Variants in MYLK4 observed in about 807,000 individuals in gnomAD.
MYLK4 encodes myosin light chain kinase family member 4.
In MYLK4, 46 loss-of-function variants were observed where a neutral mutation model predicts 48.1. The observed-to-expected ratio is 0.96, with a 90% CI of 0.75 to 1.22. The LOEUF (loss-of-function observed/expected upper bound fraction) is 1.22. Ranked by LOEUF, MYLK4 falls within the 50% of genes most tolerant of loss-of-function variation. The pLI, the probability that MYLK4 is intolerant of heterozygous loss-of-function variation, is 0.00. For synonymous variants in MYLK4, 170 were observed against 180.8 expected (o/e 0.94, Z 0.48); for missense variants, 451 against 486.1 (o/e 0.93, Z 0.68).
chr6:2,697,139 G>A (rs72831536), intron 2 of MYLK4, among the ~76,000 whole-genome samples: 16,426 of 152,182 alleles, frequency 0.11, 965 homozygotes, highest in African/African-American at 0.12. Context: ...TAAATATATC[G>A]CGGAGTGCTT....
At chr6:2,725,950 G>C (rs1763257430) in intron 2 of MYLK4, among the ~76,000 whole-genome samples, 1 of 152,178 alleles carries the variant, frequency 6.6e-6, no homozygotes, top group Admixed American at 6.5e-5. Context: ...CTCTAGCACG[G>C]AACAAGCTCA....
the MYLK4 span, chr6:2,768,677 G>A: frequency 6.3e-7 from 1 of 1,586,014 alleles, no homozygotes; most frequent in Non-Finnish European, 8.6e-7. Context: ...CTCCATGTAT[G>A]TCATCTTTTC....
At chr6:2,700,969 T>C (rs1370689338) in intron 2 of MYLK4, among the ~76,000 whole-genome samples, 2 of 152,196 alleles carry the variant, frequency 1.3e-5, no homozygotes, top group Non-Finnish European at 2.9e-5. Context: ...GTCACCAGAA[T>C]AGCACCTGAG....
chr6:2,672,866 A>C lies in MYLK4; in HGVS notation c.1120-1518T>G, dbSNP rs954164052. Among the ~76,000 whole-genome samples the C allele has an allele frequency of 1.3e-5, 2 of 152,196 alleles. No homozygotes were observed. The highest frequency in any genetic ancestry group is 2.9e-5 in the Non-Finnish European group (2 of 68,032). ...CTGTCCTGAGTGTTCTCAGCTACAG[A>C]CACTAATGTGCCCATTTTGTGCGTT... is the stretch of plus-strand genomic sequence containing the variant. On this transcript the variant is annotated intron_variant, in intron 11 of 12. Transcript: ENST00000274643. This position sits in a 1 kb window ranked among gnomAD's most constrained non-coding sequence, Gnocchi z 4.3.
At chr6:2,761,968 GTGT>G in the MYLK4 span, among the ~76,000 whole-genome samples, 1 of 152,170 alleles carries the variant, frequency 6.6e-6, no homozygotes, top group Non-Finnish European at 1.5e-5. Context: ...CTGGAATGCA[GTGT>G]TGTGATTTCG....
At chr6:2,767,042 C>G in the MYLK4 span, among the ~76,000 whole-genome samples, 7 of 152,138 alleles carry the variant, frequency 4.6e-5, no homozygotes, top group Non-Finnish European at 8.8e-5. Flanking sequence ...AAAACTTTTT[C>G]ATCTGCAAGT....
intron 2 of MYLK4, among the ~76,000 whole-genome samples, chr6:2,699,287 C>CTTTTCTTTTTTTTTTTTTTTTTTTTT (rs1193027641): frequency 1.3e-5 from 1 of 77,894 alleles, no homozygotes; most frequent in Non-Finnish European, 2.2e-5. Flanking sequence ...CTTTTCTTTT[C>CTTTTCTTTTTTTTTTTTTTTTTTTTT]TTTTTTTTTT....
intron 2 of MYLK4, among the ~76,000 whole-genome samples, chr6:2,725,672 A>AG (rs1763248072): frequency 6.9e-5 from 10 of 144,326 alleles, no homozygotes; most frequent in Admixed American, 6.3e-4. Context: ...AAAGAAAGAA[A>AG]AATTTTAAAA....
chr6:2,669,791 T>G (rs1483577193), intron 12 of MYLK4, among the ~76,000 whole-genome samples: 1 of 152,204 alleles, frequency 6.6e-6, no homozygotes, highest in African/African-American at 2.4e-5. Context: ...TTCATGTCCT[T>G]GCTGTTTTTA....
At chr6:2,765,182 ACCCCCC>A in the MYLK4 span, among the ~76,000 whole-genome samples, 4 of 72,924 alleles carry the variant, frequency 5.5e-5, no homozygotes, top group Non-Finnish European at 8.2e-5. Context: ...TCGCCTCGCA[ACCCCCC>A]CCCCCGCCCC....
chr6:2,706,496 G>A (rs540912890), intron 2 of MYLK4, among the ~76,000 whole-genome samples: 5 of 152,212 alleles, frequency 3.3e-5, no homozygotes, highest in East Asian at 1.9e-4. Flanking sequence ...TATTAAATAC[G>A]TGTAATTTTT....
intron 2 of MYLK4, among the ~76,000 whole-genome samples, chr6:2,739,157 A>C (rs966704761): frequency 6.6e-6 from 1 of 152,172 alleles, no homozygotes; most frequent in African/African-American, 2.4e-5. Context: ...TAGAGATAAG[A>C]ATTCTACCAA....
At chr6:2,700,614 C>T (rs1762249475) in intron 2 of MYLK4, among the ~76,000 whole-genome samples, 1 of 152,026 alleles carries the variant, frequency 6.6e-6, no homozygotes, top group African/African-American at 2.4e-5. Context: ...CCCAGGGATA[C>T]GTGTGTGGAA....
At chr6:2,765,812 C>T in the MYLK4 span, 6 of 1,354,678 alleles carry the variant, frequency 4.4e-6, no homozygotes, top group Middle Eastern at 2.7e-4. Flanking sequence ...GGCCAAGGGG[C>T]CCTCGCCGCC....
chr6:2,769,810 T>C, the MYLK4 span, among the ~76,000 whole-genome samples: 1 of 152,228 alleles, frequency 6.6e-6, no homozygotes, highest in Non-Finnish European at 1.5e-5. Flanking sequence ...CAGCCTTTGG[T>C]AGAAGATGGT....
chr6:2,715,797 A>C (rs1762845405), intron 2 of MYLK4, among the ~76,000 whole-genome samples: 1 of 152,220 alleles, frequency 6.6e-6, no homozygotes, highest in Non-Finnish European at 1.5e-5. Context: ...CATATGGAAT[A>C]TGAAAGGGTT....
intron 2 of MYLK4, among the ~76,000 whole-genome samples, chr6:2,732,653 C>T (rs1211709147): frequency 6.6e-6 from 1 of 152,146 alleles, no homozygotes; most frequent in East Asian, 1.9e-4. Flanking sequence ...GCCAAGTGAC[C>T]CCCGAGACCC....
chr6:2,766,395 C>T, the MYLK4 span: 4 of 1,606,542 alleles, frequency 2.5e-6, no homozygotes, highest in Admixed American at 1.7e-5. Flanking sequence ...CTCCTGGAGA[C>T]CAACGAAATC....
At chr6:2,769,238 ATTAC>A in the MYLK4 span, among the ~76,000 whole-genome samples, 1 of 152,208 alleles carries the variant, frequency 6.6e-6, no homozygotes, top group Non-Finnish European at 1.5e-5. Flanking sequence ...GTTTTTAAAA[ATTAC>A]TTTAACAGTA....
Sources: allele counts gnomAD v4.1 joint callset (sites outside exome capture counted in the v4.1 genomes callset), GRCh38; gene constraint gnomAD v4.1.1; non-coding constraint Gnocchi (gnomAD v3.1); transcripts MANE v1.5; gene names NCBI Gene and HGNC (gene_info 2026-07-23, HGNC 2026-07-21).